The following LIPE variants were observed in gnomAD, a reference collection of about 807,000 sequenced individuals.
LIPE encodes lipase E, hormone sensitive type.
Under a neutral mutation model 88.5 loss-of-function variants are expected in LIPE, and 66 were observed. The ratio of observed to expected loss-of-function variants is 0.75; its 90% CI spans 0.61 to 0.91. The LOEUF (loss-of-function observed/expected upper bound fraction) is 0.91. Ranked by LOEUF, LIPE falls within the 40% of genes least tolerant of loss-of-function variation. LIPE has a pLI of 0.00. For synonymous variants in LIPE, 570 were observed against 617.5 expected (o/e 0.92, Z 1.14); for missense variants, 1,346 against 1,434.7 (o/e 0.94, Z 1.00).
chr19:42,424,899 G>A (rs1407931114), intron 1 of LIPE: 1 of 344,210 alleles, frequency 2.9e-6, no homozygotes, highest in Non-Finnish European at 5.7e-6. Context: ...AGGCGGAGAA[G>A]GCGAGGGAGT....
chr19:42,419,028 C>T (rs757031163), intron 1 of LIPE, among the ~76,000 whole-genome samples: 12 of 152,148 alleles, frequency 7.9e-5, no homozygotes, highest in Middle Eastern at 6.8e-3. Flanking sequence ...CCTGTAATCC[C>T]ACCACTTTGG....
intron 8 of LIPE, among the ~76,000 whole-genome samples, chr19:42,403,452 G>GTT (rs59961297): frequency 5.4e-4 from 76 of 141,802 alleles, no homozygotes; most frequent in South Asian, 6.8e-4. Flanking sequence ...ATCGTTTTTT[G>GTT]TTTTTTTTTT....
Position 42,407,260 on chromosome 19 carries a change from G to A in LIPE, c.2051C>T (p.Ser684Phe), listed in dbSNP as rs768839568. ...GGGGAAGGGGGCCTCAGGGGCCAGG[G>A]AGTAGTCGATGGAGATGATGGGGGC... is the stretch of plus-strand genomic sequence containing the variant. ...LGAPIISIDY[S>F]LAPEAPFPRA... is the part of the protein sequence containing the mutation. The change falls in exon 6 of 10, where the codon TCC (serine) becomes TTC (phenylalanine). Residue 684 changes from serine to phenylalanine, a missense_variant. By Grantham distance (155) the Ser-to-Phe change is radical. Coordinates refer to ENST00000244289, the MANE Select transcript of LIPE (RefSeq NM_005357.4). This position sits in a 1 kb window ranked among gnomAD's most constrained non-coding sequence, Gnocchi z 5.8. 6.2e-7 allele frequency: 1 copy of A among 1,602,312 alleles called. No homozygotes were observed. The highest frequency in any genetic ancestry group is 2.3e-5 in the East Asian group (1 of 44,430).
chr19:42,423,789 C>T (rs983136853), intron 1 of LIPE: 18 of 1,109,456 alleles, frequency 1.6e-5, no homozygotes, highest in Non-Finnish European at 2.0e-5. Flanking sequence ...AAGGCAACCC[C>T]GGGGGTGGCG....
Position 42,407,976 on chromosome 19 carries a change from C to T in LIPE, c.1656G>A (p.Ser552=), listed in dbSNP as rs900031003. 37 of 1,612,334 alleles carry T rather than the reference C, an allele frequency of 2.3e-5. No homozygotes were observed. The highest frequency in any genetic ancestry group is 2.9e-5 in the Non-Finnish European group (34 of 1,179,570). The change falls in exon 4 of 10, where the codon TCG becomes TCA. Residue 552 remains serine, a splice_region_variant and synonymous_variant. Coordinates refer to ENST00000244289, the MANE Select transcript of LIPE (RefSeq NM_005357.4). The surrounding 1 kb of genome is among the most constrained non-coding windows in gnomAD (Gnocchi z 5.8). ...FWNITEMEVL[S]SLANMASATV... ...GTCCCCATCTGCAACAGGCCCTCAC[C>T]GATAGCACTTCCATCTCGGTGATGT...
Position 42,401,914 on chromosome 19 carries a change from G to T in LIPE, c.3129C>A (p.Cys1043Ter), listed in dbSNP as rs776722671. 1.9e-5 allele frequency: 29 copies of T among 1,530,932 alleles called. No homozygotes were observed. Among genetic ancestry groups the T allele is most frequent in the Non-Finnish European group, 2.5e-5 (29 of 1,142,236 alleles). 94.8% of individuals were successfully genotyped at this position (1,530,932 alleles called of 1,614,324 possible). ...TGAGGACGAGGCGGATGCGCTCCAC[G>T]CACAGCTCTGCGGCCTGGCGCGTCT... ...CRETRQAAEL[C>*]VERIRLVLTP... is the part of the protein sequence containing the mutation. The change falls in exon 10 of 10, where the codon TGC becomes TGA. Residue 1043 changes from cysteine (C) to a stop codon, truncating the protein, a stop_gained. Transcript: ENST00000244289. LOFTEE classifies it low-confidence loss of function (END_TRUNC).
chr19:42,406,507 C>A lies in LIPE; in HGVS notation c.2138-119G>T. 2.6e-6 allele frequency: 2 copies of A among 771,236 alleles called. No homozygotes were observed. Among genetic ancestry groups the A allele is most frequent in the Non-Finnish European group, 2.2e-6 (1 of 459,480 alleles). 47.8% of individuals were successfully genotyped at this position (771,236 alleles called of 1,614,324 possible). ...CTCCAAGGTGGGGTGTGGGGCACTC[C>A]AAGGCCTAGCAGACTGCAGTTTTAG... On this transcript the variant is annotated intron_variant, in intron 6 of 9. Coordinates refer to ENST00000244289, the MANE Select transcript of LIPE (RefSeq NM_005357.4). The surrounding 1 kb of genome is among the most constrained non-coding windows in gnomAD (Gnocchi z 5.7).
Position 42,406,485 on chromosome 19 carries a change from C to T in LIPE, c.2138-97G>A. ...CTCAAGCTGGGAGAACTGGGCTCTC[C>T]AAGGTGGGGTGTGGGGCACTCCAAG... On this transcript the variant is annotated intron_variant, in intron 6 of 9. Transcript: ENST00000244289. This position sits in a 1 kb window ranked among gnomAD's most constrained non-coding sequence, Gnocchi z 5.7. 1.9e-6 allele frequency: 2 copies of T among 1,049,698 alleles called. No individual in the cohort carries two copies. The highest frequency in any genetic ancestry group is 2.9e-5 in the South Asian group (2 of 69,962). 65.0% of individuals were successfully genotyped at this position (1,049,698 alleles called of 1,614,324 possible).
rs1430922808 is a variant in LIPE at position 42,410,705 on chromosome 19, C to T, written c.1021G>A (p.Val341Ile). The T allele has an allele frequency of 1.2e-6, 2 of 1,613,752 alleles. No individual in the cohort carries two copies. Among genetic ancestry groups the T allele is most frequent in the East Asian group, 4.5e-5 (2 of 44,874 alleles). ...AQRLSGVFAG[V>I]REQALGLEPA... ...TCCAGCCCCAGCGCCTGCTCCCGTA[C>T]ACCGGCAAAAACGCCTGACAGCCGC... The change falls in exon 2 of 10, where the codon GTA becomes ATA. Residue 341 changes from valine to isoleucine, a missense_variant. Coordinates refer to ENST00000244289, the MANE Select transcript of LIPE (RefSeq NM_005357.4). This position sits in a 1 kb window ranked among gnomAD's most constrained non-coding sequence, Gnocchi z 6.1.
rs117950386 is a variant in LIPE at position 42,407,525 on chromosome 19, C to T, written c.1843-57G>A. 1.2e-3 allele frequency: 1,915 copies of T among 1,581,472 alleles called. 29 individuals are homozygous for T. In the East Asian group the frequency reaches 0.027, roughly 22 times the overall value. On this transcript the variant is annotated intron_variant, in intron 5 of 9. Transcript: ENST00000244289. The surrounding 1 kb of genome is among the most constrained non-coding windows in gnomAD (Gnocchi z 5.8). ...TTGGGGAGAGCTGGCCAGGGCTGCA[C>T]CCCTCCATGGGGATGCCAAGGTGGG... is the stretch of plus-strand genomic sequence containing the variant.
chr19:42,414,035 T>C lies in LIPE; in HGVS notation c.884-3193A>G, dbSNP rs544829980. 1.3e-5 allele frequency among the ~76,000 whole-genome samples: 2 copies of C among 151,980 alleles called. No individual in the cohort carries two copies. Among genetic ancestry groups the C allele is most frequent in the Admixed American group, 6.6e-5 (1 of 15,262 alleles). ...GGCTCATGCCTATAATGCCAGCACG[T>C]TGGGAGGCCGACGTGGGTGGGCCAC... is the stretch of plus-strand genomic sequence containing the variant. On this transcript the variant is annotated intron_variant, in intron 1 of 9. Transcript: ENST00000244289. This position sits in a 1 kb window ranked among gnomAD's most constrained non-coding sequence, Gnocchi z 4.6.
At chr19:42,411,220 C>G (rs562857368) in intron 1 of LIPE, 595 of 794,114 alleles carry the variant, frequency 7.5e-4, no homozygotes, top group Non-Finnish European at 8.4e-4. Context: ...CTCCTGAATC[C>G]GGACATTCCC....
chr19:42,411,185 G>A (rs1034027359), intron 1 of LIPE: 2 of 432,100 alleles, frequency 4.6e-6, no homozygotes, highest in African/African-American at 4.3e-5. Flanking sequence ...CACCTCTTTG[G>A]GACTCAGAAA....
At position 42,401,964 on chromosome 19, in the gene LIPE, G is replaced by C; in HGVS notation, c.3079C>G (p.Leu1027Val). ...TCGCGGCACAGCGCCGCTAGGGTCA[G>C]GAAGCCGTGCGGCAGGTCCTCCACC... ...RVVEDLPHGF[L>V]TLAALCRETR... The change falls in exon 10 of 10, where the codon CTG (leucine) becomes GTG (valine). Residue 1027 changes from leucine (L) to valine (V), a missense_variant. By Grantham distance (32) the Leu-to-Val change is conservative. Transcript: ENST00000244289. The C allele has an allele frequency of 6.4e-7, 1 of 1,557,866 alleles. No homozygotes were observed. The highest frequency in any genetic ancestry group is 8.7e-7 in the Non-Finnish European group (1 of 1,154,856).
Position 42,426,858 on chromosome 19 carries a change from A to G in LIPE, c.292T>C (p.Ser98Pro), listed in dbSNP as rs1221826419. The G allele has an allele frequency of 6.2e-7, 1 of 1,614,082 alleles. No homozygotes were observed. Among genetic ancestry groups the G allele is most frequent in the Non-Finnish European group, 8.5e-7 (1 of 1,180,006 alleles). ...AGCAGCACCCTTTGGATGTAAGGTG[A>G]TTGCTGTGGTGCGGGCTTCTGTGGG... Reference protein sequence around the residue: ...LAPQKPAPQQSPYIQRVLLTQ... With the variant: ...LAPQKPAPQQPPYIQRVLLTQ... Residue 98 changes from serine to proline, a missense_variant, in exon 1 of 10, where the codon TCA becomes CCA. Transcript: ENST00000244289.
At chr19:42,421,109 C>T (rs544609159) in intron 1 of LIPE, among the ~76,000 whole-genome samples, 7 of 152,178 alleles carry the variant, frequency 4.6e-5, no homozygotes, top group Admixed American at 6.5e-5. Flanking sequence ...ATGTTGCCCA[C>T]GCTGGCCTCA....
chr19:42,405,798 AC>A (rs2040151816), intron 7 of LIPE: 2 of 558,292 alleles, frequency 3.6e-6, no homozygotes. Context: ...AGCGAAAAAC[AC>A]AAAAATTAGC....
intron 1 of LIPE, chr19:42,424,116 T>A: frequency 8.4e-7 from 1 of 1,192,062 alleles, no homozygotes; most frequent in Non-Finnish European, 1.1e-6. Flanking sequence ...GCTTTCCCTC[T>A]CCTGTCTCCT....
rs2040188727 is a variant in LIPE at position 42,406,503 on chromosome 19, A to T, written c.2138-115T>A. ...GGCTCTCCAAGGTGGGGTGTGGGGCACTCCAAGGCCTAGCAGACTGCAGTT... is the reference window on the plus strand; with the variant it reads ...GGCTCTCCAAGGTGGGGTGTGGGGCTCTCCAAGGCCTAGCAGACTGCAGTT... On this transcript the variant is annotated intron_variant, in intron 6 of 9. Coordinates refer to ENST00000244289, the MANE Select transcript of LIPE (RefSeq NM_005357.4). This position sits in a 1 kb window ranked among gnomAD's most constrained non-coding sequence, Gnocchi z 5.7. 1 of 806,204 alleles carries T rather than the reference A, an allele frequency of 1.2e-6. No homozygotes were observed. The highest frequency in any genetic ancestry group is 2.7e-5 in the East Asian group (1 of 37,500). 49.9% of individuals were successfully genotyped at this position (806,204 alleles called of 1,614,324 possible).
Sources: gnomAD v4.1 joint callset for allele counts (sites outside exome capture counted in the v4.1 genomes callset) on GRCh38, gnomAD v4.1.1 for gene constraint, Gnocchi (gnomAD v3.1) non-coding constraint, MANE v1.5 for transcripts, NCBI Gene and HGNC (gene_info 2026-07-23, HGNC 2026-07-21) for gene names.